APLF: variants seen among roughly 807,000 people sequenced by gnomAD.
The protein encoded by APLF is aprataxin and PNK-like factor.
Under a neutral mutation model 55.6 loss-of-function variants are expected in APLF, and 61 were observed. That is an observed-to-expected ratio of 1.10 (90% confidence interval 0.89 to 1.36). The LOEUF (loss-of-function observed/expected upper bound fraction) is 1.36. APLF is among the 40% of genes most tolerant of loss of function. The pLI, the probability that APLF is intolerant of heterozygous loss-of-function variation, is 0.00. For synonymous variants in APLF, 207 were observed against 214.8 expected (o/e 0.96, Z 0.32); for missense variants, 611 against 602.5 (o/e 1.01, Z -0.15).
chr2:68,475,693 T>C (rs1201123986), intron 1 of APLF, among the ~76,000 whole-genome samples: 3 of 152,176 alleles, frequency 2.0e-5, no homozygotes, highest in Non-Finnish European at 4.4e-5. Flanking sequence ...AAACATCTTA[T>C]ATCAACTACT....
At chr2:68,533,760 G>C (rs1285080473) in intron 6 of APLF, among the ~76,000 whole-genome samples, 2 of 152,200 alleles carry the variant, frequency 1.3e-5, no homozygotes, top group Non-Finnish European at 2.9e-5. Flanking sequence ...TGGGCCCCAA[G>C]AGAGTGATGT....
At chr2:68,567,318 T>G in intron 8 of APLF, 23 bp from the exon 9 acceptor site, 1 of 1,598,654 alleles carries the variant, frequency 6.3e-7, no homozygotes, top group African/African-American at 1.3e-5. Flanking sequence ...AGACTAGCTC[T>G]TATTTTTGCA....
Position 68,578,202 on chromosome 2 carries a change from A to AT in APLF, c.*186dup. Reference sequence around the variant, plus strand: ...GTCAGCCTTCAGTATAATAGATGGAATTTTTTGTTGCCTTGCCTTTTCTTT... The same window carrying AT: ...GTCAGCCTTCAGTATAATAGATGGAATTTTTTTGTTGCCTTGCCTTTTCTTT... On this transcript the variant is annotated 3_prime_UTR_variant, in exon 10 of 10. Transcript: ENST00000303795. 1 of 1,348,530 alleles carries AT rather than the reference A, an allele frequency of 7.4e-7. No homozygotes were observed. The highest frequency in any genetic ancestry group is 1.5e-5 in the African/African-American group (1 of 67,968). The allele number at this position is 1,348,530 out of a possible 1,614,324, so 83.5% of individuals were successfully genotyped here. A position where few individuals can be genotyped will look rare whatever the true frequency, so the allele number is the denominator to read the frequency against.
chr2:68,560,426 T>TAGAA (rs139192711), intron 8 of APLF, among the ~76,000 whole-genome samples: 16,107 of 152,004 alleles, frequency 0.11, 1,082 homozygotes, highest in African/African-American at 0.19. Flanking sequence ...CAGGAAATAT[T>TAGAA]AGGGTCAAAT....
Position 68,577,811 on chromosome 2 carries a change from G to A in APLF, c.1334-9G>A, listed in dbSNP as rs1419093143. The A allele has an allele frequency of 1.9e-6, 3 of 1,612,750 alleles. No homozygotes were observed. The highest frequency in any genetic ancestry group is 2.2e-5 in the South Asian group (2 of 91,022). On this transcript the variant is annotated splice_polypyrimidine_tract_variant and intron_variant, in intron 9 of 9. Coordinates refer to ENST00000303795, the MANE Select transcript of APLF (RefSeq NM_173545.3). ...TTGATGTGTTGTGTACCAATCTTCT[G>A]TTTTGCAGTGAGAAATGTTTTAGAT...
rs930037749 is a variant in APLF at position 68,484,052 on chromosome 2, G to A, written c.97-6138G>A. Among the ~76,000 whole-genome samples, 105 of 152,168 alleles carry A rather than the reference G, an allele frequency of 6.9e-4. 2 individuals carry two copies. The highest frequency in any genetic ancestry group is 2.3e-3 in the African/African-American group (97 of 41,492). The stretch of plus-strand genomic sequence containing the variant: ...TTTCGTTTTTAGAATTTTGAGAATT[G>A]CAGTCAAACAAACAGATCACAGACT... On this transcript the variant is annotated intron_variant, in intron 1 of 9. Coordinates refer to ENST00000303795, the MANE Select transcript of APLF (RefSeq NM_173545.3).
intron 2 of APLF, among the ~76,000 whole-genome samples, chr2:68,496,189 C>T (rs928169214): frequency 6.6e-6 from 1 of 152,216 alleles, no homozygotes; most frequent in Non-Finnish European, 1.5e-5. Context: ...GCAACCTCCA[C>T]CTCCTGGGTT....
rs139355478 is a variant in APLF at position 68,472,518 on chromosome 2, A to T, written c.96+4691A>T. ...AAAGGAATTTGGGCAAGATAAAAAA[A>T]AATAATAATCAGAGCTTAGTCCTCA... On this transcript the variant is annotated intron_variant, in intron 1 of 9. Coordinates refer to ENST00000303795, the MANE Select transcript of APLF (RefSeq NM_173545.3). Among the ~76,000 whole-genome samples the T allele has an allele frequency of 6.6e-3, 1,012 of 152,294 alleles. 5 individuals are homozygous for T. The highest frequency in any genetic ancestry group is 0.023 in the African/African-American group (954 of 41,546).
chr2:68,547,839 A>G (rs1670747079), intron 8 of APLF, among the ~76,000 whole-genome samples: 2 of 151,884 alleles, frequency 1.3e-5, no homozygotes, highest in South Asian at 2.1e-4. Context: ...TATTGTAATT[A>G]CTTATTTTAC....
At chr2:68,551,352 G>A (rs1451319822) in intron 8 of APLF, among the ~76,000 whole-genome samples, 1 of 151,944 alleles carries the variant, frequency 6.6e-6, no homozygotes. Context: ...CCTATTTGGG[G>A]GTTCACTGAG....
At chr2:68,478,062 A>G (rs1049589186) in intron 1 of APLF, among the ~76,000 whole-genome samples, 3 of 152,100 alleles carry the variant, frequency 2.0e-5, no homozygotes, top group South Asian at 2.1e-4. Context: ...GTTTAGTGCA[A>G]TACCGTAAAC....
chr2:68,562,676 A>G (rs1671201978), intron 8 of APLF, among the ~76,000 whole-genome samples: 1 of 152,096 alleles, frequency 6.6e-6, no homozygotes, highest in African/African-American at 2.4e-5. Flanking sequence ...AGAAGAATAT[A>G]CTTGGCAAAA....
chr2:68,495,411 C>G (rs906921150), intron 2 of APLF, among the ~76,000 whole-genome samples: 6 of 152,236 alleles, frequency 3.9e-5, no homozygotes, highest in Non-Finnish European at 4.4e-5. Flanking sequence ...CAGTAAGTCT[C>G]AAAGCTCCAA....
intron 1 of APLF, among the ~76,000 whole-genome samples, chr2:68,468,334 G>A (rs1025990681): frequency 6.6e-6 from 1 of 152,154 alleles, no homozygotes; most frequent in Non-Finnish European, 1.5e-5. Flanking sequence ...TTGCAGAGCT[G>A]TGTGGACCTT....
In APLF at chr2:68,496,727, G is replaced by A. The variant is rs145993345; in HGVS notation, c.169-6004G>A. Among the ~76,000 whole-genome samples the A allele has an allele frequency of 5.3e-5, 8 of 152,246 alleles. No individual in the cohort carries two copies. In the East Asian group the frequency reaches 1.2e-3, roughly 22 times the overall value. On this transcript the variant is annotated intron_variant, in intron 2 of 9. Coordinates refer to ENST00000303795, the MANE Select transcript of APLF (RefSeq NM_173545.3). ...TAGATCCCTAGGGTGTGAACCAAAT[G>A]CAGCCAAGCTCTCTGCTAAGACGTA...
chr2:68,564,666 G>A (rs1671251447), intron 8 of APLF, among the ~76,000 whole-genome samples: 1 of 152,044 alleles, frequency 6.6e-6, no homozygotes, highest in African/African-American at 2.4e-5. Flanking sequence ...CCTTTTACAT[G>A]TGGGAAAACT....
intron 2 of APLF, among the ~76,000 whole-genome samples, chr2:68,490,821 A>G (rs957912364): frequency 1.4e-4 from 21 of 152,182 alleles, no homozygotes; most frequent in Non-Finnish European, 2.8e-4. Context: ...AGAATATACA[A>G]TGTGATTATT....
intron 9 of APLF, among the ~76,000 whole-genome samples, chr2:68,574,003 A>G (rs1671554166): frequency 6.6e-6 from 1 of 152,068 alleles, no homozygotes; most frequent in Non-Finnish European, 1.5e-5. Context: ...GAAGAAATTT[A>G]TAAGCATTCT....
At chr2:68,469,693 T>C (rs545934913) in intron 1 of APLF, among the ~76,000 whole-genome samples, 1 of 152,208 alleles carries the variant, frequency 6.6e-6, no homozygotes, top group African/African-American at 2.4e-5. Context: ...CTGCACTGGT[T>C]AAAACACAAC....
Sources: allele counts gnomAD v4.1 joint callset (sites outside exome capture counted in the v4.1 genomes callset), GRCh38; gene constraint gnomAD v4.1.1; transcripts MANE v1.5; gene names NCBI Gene and HGNC (gene_info 2026-07-23, HGNC 2026-07-21).